SPATA21: variants seen among roughly 807,000 people sequenced by gnomAD.
The protein encoded by SPATA21 is spermatogenesis-associated protein 21.
A neutral mutation model predicts 54.8 loss-of-function variants in SPATA21; 47 were observed. The ratio of observed to expected loss-of-function variants is 0.86; its 90% CI spans 0.68 to 1.09. The LOEUF (loss-of-function observed/expected upper bound fraction) is 1.09, where lower values mean the gene tolerates loss of function less well. SPATA21 is among the 50% of genes least tolerant of loss of function. The probability of loss-of-function intolerance (pLI) is 0.00; values close to 1 mark genes in which losing one functional copy is unlikely to be tolerated. For synonymous variants in SPATA21, 245 were observed against 235.3 expected (o/e 1.04, Z -0.38); for missense variants, 599 against 596.4 (o/e 1.00, Z -0.05).
At chr1:16,395,990 A>C (rs1325067267), downstream of SPATA21, 1 of 152,614 alleles carries the variant, frequency 6.6e-6, no homozygotes, top group Non-Finnish European at 1.5e-5. Context: ...GAGATAGGGA[A>C]AGTGAACCGA....
chr1:16,433,700 G>A (rs941132723), intron 1 of SPATA21, among the ~76,000 whole-genome samples: 61 of 152,332 alleles, frequency 4.0e-4, no homozygotes, highest in African/African-American at 1.4e-3. Context: ...TCTGGAGCTT[G>A]CTAACTCTGA....
intron 7 of SPATA21, among the ~76,000 whole-genome samples, chr1:16,405,493 GAAAAAA>G (rs538611012): frequency 9.8e-5 from 8 of 81,316 alleles, no homozygotes; most frequent in African/African-American, 4.3e-4. Context: ...AAATAAAAAT[GAAAAAA>G]AAAAAAAAAA....
intron 5 of SPATA21, among the ~76,000 whole-genome samples, chr1:16,419,833 G>A (rs1387259066): frequency 6.6e-6 from 1 of 152,164 alleles, no homozygotes; most frequent in Non-Finnish European, 1.5e-5. Context: ...CCACCTACTC[G>A]GGAGGCTGAG....
chr1:16,397,976 T>C, downstream of SPATA21: 1 of 738,480 alleles, frequency 1.4e-6, no homozygotes. This position sits in a 1 kb window ranked among gnomAD's most constrained non-coding sequence, Gnocchi z 5.4. Flanking sequence ...ATGGGCCCCT[T>C]GGGTGTCTGA....
chr1:16,425,082 C>A (rs983321190), intron 3 of SPATA21: 16 of 361,220 alleles, frequency 4.4e-5, no homozygotes, highest in South Asian at 3.0e-4. Context: ...CCACACCCGG[C>A]TAATTTTATA....
chr1:16,409,789 CGAGGCAGGGGTCT>C lies in SPATA21; in HGVS notation c.386_398del (p.Gln129ArgfsTer58). 1 of 1,602,092 alleles carries C rather than the reference CGAGGCAGGGGTCT, an allele frequency of 6.2e-7. No homozygotes were observed. The highest frequency in any genetic ancestry group is 2.2e-5 in the East Asian group (1 of 44,778). On this transcript the variant is annotated frameshift_variant, in exon 6 of 13. Transcript: ENST00000335496. LOFTEE classifies it high-confidence loss of function. This position sits in a 1 kb window ranked among gnomAD's most constrained non-coding sequence, Gnocchi z 4.1. ...CCCACGATGGGCCGCTGGCAGGGAC[CGAGGCAGGGGTCT>C]GAGGCAGGCTTGGAGCTGAGGTGGG...
chr1:16,398,062 A>T (rs2085342493), downstream of SPATA21: 2 of 885,068 alleles, frequency 2.3e-6, no homozygotes, highest in African/African-American at 1.8e-5. Context: ...GCCCACTCCC[A>T]CCCCACCCTG....
chr1:16,426,555 G>A (rs1193444180), intron 3 of SPATA21, among the ~76,000 whole-genome samples: 1 of 100,060 alleles, frequency 1.0e-5, no homozygotes, highest in Non-Finnish European at 2.1e-5. Context: ...CATGGTGCCC[G>A]GCTATATATA....
intron 3 of SPATA21, among the ~76,000 whole-genome samples, chr1:16,426,865 C>T (rs1194017178): frequency 3.3e-5 from 5 of 152,010 alleles, no homozygotes; most frequent in Admixed American, 1.3e-4. Flanking sequence ...CAGGTGTGAG[C>T]CACTGTGCCC....
At chr1:16,397,836 T>A (rs2085338437), downstream of SPATA21, 6 of 239,080 alleles carry the variant, frequency 2.5e-5, no homozygotes, top group South Asian at 1.5e-4. This position sits in a 1 kb window ranked among gnomAD's most constrained non-coding sequence, Gnocchi z 5.4. Flanking sequence ...AGCCATACCC[T>A]GCTCTGCCCC....
downstream of SPATA21, chr1:16,397,796 C>T (rs1557636339): frequency 6.1e-6 from 1 of 164,582 alleles, no homozygotes; most frequent in Non-Finnish European, 1.3e-5. The surrounding 1 kb of genome is among the most constrained non-coding windows in gnomAD (Gnocchi z 5.4). Flanking sequence ...CTTCCAGAGC[C>T]CATCTGCCCC....
rs1177810914 is a variant in SPATA21, at chr1:16,422,038, G to C, written c.35-67C>G. On this transcript the variant is annotated intron_variant, in intron 3 of 12. Coordinates refer to ENST00000335496, the MANE Select transcript of SPATA21 (RefSeq NM_198546.1). ...CTGTCCCCATGTCCCCCTGGGCTGGGCTCTGGCGGAGCCTCCTGTGGCCTG... is the reference window on the plus strand; with the variant it reads ...CTGTCCCCATGTCCCCCTGGGCTGGCCTCTGGCGGAGCCTCCTGTGGCCTG... 8 of 1,612,888 alleles carry C rather than the reference G, an allele frequency of 5.0e-6. No individual in the cohort carries two copies. In the African/African-American group the frequency reaches 5.3e-5, roughly 11 times the overall value.
At chr1:16,408,997 C>G in intron 7 of SPATA21, 121 bp downstream of exon 7, 1 of 1,018,552 alleles carries the variant, frequency 9.8e-7, no homozygotes, top group Non-Finnish European at 1.5e-6. Context: ...CCTGCTGGGT[C>G]TGCTACACAT....
chr1:16,425,106 A>T (rs549342486), intron 3 of SPATA21: 1 of 392,762 alleles, frequency 2.5e-6, no homozygotes, highest in Admixed American at 3.0e-5. Context: ...TTTAGTAGAG[A>T]CAGGGTTTTA....
chr1:16,414,822 G>A (rs941801139), intron 5 of SPATA21, among the ~76,000 whole-genome samples: 3 of 146,192 alleles, frequency 2.1e-5, no homozygotes, highest in Non-Finnish European at 4.5e-5. Flanking sequence ...AAACCTGGGA[G>A]GTGGAGGTTG....
At position 16,409,967 on chromosome 1, in the gene SPATA21, C is replaced by A; in HGVS notation, c.221G>T (p.Gly74Val). 1 of 1,611,142 alleles carries A rather than the reference C, an allele frequency of 6.2e-7. No individual in the cohort carries two copies. The highest frequency in any genetic ancestry group is 8.5e-7 in the Non-Finnish European group (1 of 1,178,718). Residue 74 changes from glycine (G) to valine (V), a missense_variant, in exon 6 of 13, where the codon GGG becomes GTG. Physicochemically the swap from Gly to Val is moderately radical, Grantham distance 109. Transcript: ENST00000335496. The surrounding 1 kb of genome is among the most constrained non-coding windows in gnomAD (Gnocchi z 4.1). ...QQPQKPAVAAGTQSLGNFRQG... is the reference protein window; with the variant it reads ...QQPQKPAVAAVTQSLGNFRQG... ...CCGGAAGTTCCCGAGGCTCTGTGTC[C>A]CTGCAGCCACCGCGGGCTTCTGAGG...
chr1:16,398,886 T>C (rs2085358365), intron 12 of SPATA21, 64 bp from the exon 13 acceptor site: 1 of 1,538,092 alleles, frequency 6.5e-7, no homozygotes, highest in Admixed American at 1.8e-5. Context: ...TGCCAGTATA[T>C]GAGCCATCTG....
intron 5 of SPATA21, among the ~76,000 whole-genome samples, chr1:16,413,825 C>G (rs1156615442): frequency 6.6e-6 from 1 of 151,984 alleles, no homozygotes; most frequent in East Asian, 1.9e-4. Flanking sequence ...ATTGGCCGGG[C>G]TGGTCTTGAA....
At position 16,400,740 on chromosome 1, in the gene SPATA21, C is replaced by T. The variant is rs138672627; in HGVS notation, c.1154G>A (p.Arg385Gln). The T allele has an allele frequency of 3.3e-5, 53 of 1,613,970 alleles. No individual in the cohort carries two copies. The East Asian group carries it at 6.0e-4, about 18-fold the overall frequency. Residue 385 changes from arginine to glutamine, a missense_variant, in exon 11 of 13, where the codon CGG becomes CAG. Arg to Gln is a conservative substitution (Grantham distance 43). Transcript: ENST00000335496. ...PERKVLSILS[R>Q]LKQQNYAPNL... ...CTCACCATAGTTCTGCTGCTTCAGC[C>T]GGCTCAGGATACTGAGGACCTTTCG... is the stretch of plus-strand genomic sequence containing the variant.
Sources: gnomAD v4.1 joint callset for allele counts (sites outside exome capture counted in the v4.1 genomes callset) on GRCh38, gnomAD v4.1.1 for gene constraint, Gnocchi (gnomAD v3.1) non-coding constraint, MANE v1.5 for transcripts, NCBI Gene and HGNC (gene_info 2026-07-23, HGNC 2026-07-21) for gene names.